The following SHISA6 variants were observed in gnomAD, a reference collection of about 807,000 sequenced individuals.
The protein encoded by SHISA6 is shisa family member 6, also known as protein shisa-6.
SHISA6 carries 22 observed loss-of-function variants against 47.9 expected under a neutral mutation model. The ratio of observed to expected loss-of-function variants is 0.46; its 90% CI spans 0.33 to 0.66. The LOEUF is 0.66. SHISA6 is among the 30% of genes least tolerant of loss of function. The pLI, the probability that SHISA6 is intolerant of heterozygous loss-of-function variation, is 0.02. For missense variants in SHISA6, 680 were observed against 764.6 expected, an observed-to-expected ratio of 0.89 and a Z score of 1.30; for synonymous variants, 388 against 337.8, an observed-to-expected ratio of 1.15 and a Z score of -1.63.
At chr17:11,463,005 C>T (rs971414463) in intron 3 of SHISA6, among the ~76,000 whole-genome samples, 9 of 152,216 alleles carry the variant, frequency 5.9e-5, no homozygotes, top group African/African-American at 2.2e-4. Context: ...CCATGAAGCA[C>T]AGCATCACAT....
intron 3 of SHISA6, among the ~76,000 whole-genome samples, chr17:11,494,537 G>A (rs886589025): frequency 1.3e-5 from 2 of 152,220 alleles, no homozygotes; most frequent in African/African-American, 4.8e-5. Context: ...GTTGCACCAA[G>A]TCTAGGGACC....
intron 2 of SHISA6, among the ~76,000 whole-genome samples, chr17:11,323,260 C>T (rs1369046796): frequency 1.3e-5 from 2 of 152,188 alleles, no homozygotes; most frequent in African/African-American, 2.4e-5. Flanking sequence ...AAAGCTGGCT[C>T]TCATCTCATC....
chr17:11,245,656 G>A (rs544414231), intron 1 of SHISA6, among the ~76,000 whole-genome samples: 1 of 148,328 alleles, frequency 6.7e-6, no homozygotes, highest in South Asian at 2.2e-4. Context: ...GAAGCTATTA[G>A]GATGCTGGAG....
chr17:11,361,952 A>T (rs1352378585), intron 2 of SHISA6, among the ~76,000 whole-genome samples: 1 of 152,070 alleles, frequency 6.6e-6, no homozygotes, highest in Non-Finnish European at 1.5e-5. Context: ...GATTCAGGGG[A>T]CCTTTTTCCT....
intron 2 of SHISA6, among the ~76,000 whole-genome samples, chr17:11,360,361 C>T (rs1031565392): frequency 6.6e-6 from 1 of 152,080 alleles, no homozygotes; most frequent in Admixed American, 6.5e-5. Flanking sequence ...AGTTCAAGAC[C>T]AGCCTGGCCA....
intron 2 of SHISA6, among the ~76,000 whole-genome samples, chr17:11,360,874 G>A (rs1912250277): frequency 1.3e-5 from 2 of 151,354 alleles, no homozygotes; most frequent in Non-Finnish European, 1.5e-5. Flanking sequence ...AGGGTATATG[G>A]GGTGGCAGGC....
chr17:11,534,814 G>A (rs1018585946), intron 3 of SHISA6, among the ~76,000 whole-genome samples: 2 of 152,046 alleles, frequency 1.3e-5, no homozygotes, highest in Non-Finnish European at 2.9e-5. Flanking sequence ...ATCAATAAGG[G>A]GTTGTGTGCT....
At chr17:11,551,636 G>A (rs997790986) in intron 3 of SHISA6, among the ~76,000 whole-genome samples, 16 of 151,916 alleles carry the variant, frequency 1.1e-4, no homozygotes, top group African/African-American at 3.6e-4. Context: ...CCACCCCTAC[G>A]AAGCCTCTAT....
intron 3 of SHISA6, among the ~76,000 whole-genome samples, chr17:11,550,541 G>A (rs1597582479): frequency 6.6e-6 from 1 of 152,160 alleles, no homozygotes; most frequent in Non-Finnish European, 1.5e-5. Flanking sequence ...ACAGGGAAGA[G>A]GACTTTGGGA....
rs2908978 is a variant in SHISA6 at position 11,493,053 on chromosome 17, C to A, written c.896-58843C>A. The stretch of plus-strand genomic sequence containing the variant: ...CATTCCCTGATCGCCTCAACACTAA[C>A]ATTTATCCAACTTTTCCATGGAGAT... On this transcript the variant is annotated intron_variant, in intron 3 of 5. Transcript: ENST00000441885. Among the ~76,000 whole-genome samples the A allele has an allele frequency of 7.8e-3, 1,184 of 152,262 alleles. 27 individuals carry two copies. The highest frequency in any genetic ancestry group is 0.026 in the African/African-American group (1,096 of 41,544).
At chr17:11,335,466 GAGGAAT>G (rs1474433633) in intron 2 of SHISA6, among the ~76,000 whole-genome samples, 1 of 152,194 alleles carries the variant, frequency 6.6e-6, no homozygotes, top group Non-Finnish European at 1.5e-5. Flanking sequence ...GGCAGGAAGA[GAGGAAT>G]GAATTTCTGA....
At chr17:11,442,604 G>T (rs1037227918) in intron 3 of SHISA6, among the ~76,000 whole-genome samples, 4 of 152,220 alleles carry the variant, frequency 2.6e-5, no homozygotes, top group Admixed American at 2.0e-4. Flanking sequence ...AAACAAAATA[G>T]CATGTGAAAT....
In SHISA6 at chr17:11,423,744, A is replaced by C. The variant is rs372523268; in HGVS notation, c.895+44235A>C. On this transcript the variant is annotated intron_variant, in intron 3 of 5. Transcript: ENST00000441885. ...CTAGCACTTGAACAGAAGAAGCTGAAAAGGAACATAAAAAGTGTATTTAAA... is the reference window on the plus strand; with the variant it reads ...CTAGCACTTGAACAGAAGAAGCTGACAAGGAACATAAAAAGTGTATTTAAA... Among the ~76,000 whole-genome samples, 4 of 152,270 alleles carry C rather than the reference A, an allele frequency of 2.6e-5. No individual in the cohort carries two copies. In the East Asian group the frequency reaches 5.8e-4, roughly 22 times the overall value.
chr17:11,547,449 C>T (rs1278452841), intron 3 of SHISA6, among the ~76,000 whole-genome samples: 1 of 152,144 alleles, frequency 6.6e-6, no homozygotes, highest in African/African-American at 2.4e-5. Context: ...AATTTTAACA[C>T]TCTACTAAAT....
chr17:11,257,080 C>T (rs1286006404), intron 1 of SHISA6, among the ~76,000 whole-genome samples: 3 of 151,706 alleles, frequency 2.0e-5, no homozygotes, highest in African/African-American at 7.3e-5. Flanking sequence ...ACATTGTTAA[C>T]ACAACAAATG....
At chr17:11,523,279 C>T (rs2071645927) in intron 3 of SHISA6, among the ~76,000 whole-genome samples, 1 of 152,220 alleles carries the variant, frequency 6.6e-6, no homozygotes, top group Non-Finnish European at 1.5e-5. Context: ...GGATTTGCTG[C>T]TGTAGTTTCA....
chr17:11,475,170 C>T (rs1439373272), intron 3 of SHISA6, among the ~76,000 whole-genome samples: 1 of 151,940 alleles, frequency 6.6e-6, no homozygotes, highest in African/African-American at 2.4e-5. Flanking sequence ...CATATTAGTA[C>T]CAGTTTTTTG....
chr17:11,337,174 T>C (rs1911350843), intron 2 of SHISA6, among the ~76,000 whole-genome samples: 1 of 151,978 alleles, frequency 6.6e-6, no homozygotes, highest in Non-Finnish European at 1.5e-5. Context: ...TGGCTGCAGG[T>C]AGTTTATATG....
chr17:11,361,290 T>A (rs1008950228), intron 2 of SHISA6, among the ~76,000 whole-genome samples: 5 of 152,232 alleles, frequency 3.3e-5, no homozygotes, highest in Non-Finnish European at 7.3e-5. Flanking sequence ...AGTAAATTAG[T>A]CTGAGGAGAA....
Sources: gnomAD v4.1 joint callset for allele counts (sites outside exome capture counted in the v4.1 genomes callset) on GRCh38, gnomAD v4.1.1 for gene constraint, MANE v1.5 for transcripts, NCBI Gene and HGNC (gene_info 2026-07-23, HGNC 2026-07-21) for gene names.